PDIA6: variants seen among roughly 807,000 people sequenced by gnomAD.
The protein encoded by PDIA6 is protein disulfide isomerase family A member 6.
In PDIA6, 29 loss-of-function variants were observed where a neutral mutation model predicts 58.4. The observed-to-expected ratio is 0.50, with a 90% CI of 0.37 to 0.68. The LOEUF (loss-of-function observed/expected upper bound fraction) is 0.68. Ranked by LOEUF, PDIA6 falls within the 30% of genes least tolerant of loss-of-function variation. The pLI is 0.00. For missense variants in PDIA6, 480 were observed against 551.0 expected (o/e 0.87, Z 1.29); for synonymous variants, 192 against 202.6 (o/e 0.95, Z 0.44).
chr2:10,783,531 G>GT lies in PDIA6; in HGVS notation c.*726dup, dbSNP rs1665527302. 5.9e-6 allele frequency: 2 copies of GT among 336,328 alleles called. No homozygotes were observed. Among genetic ancestry groups the GT allele is most frequent in the Admixed American group, 4.6e-5 (1 of 21,684 alleles). The allele number at this position is 336,328 out of a possible 1,614,324, so 20.8% of individuals were successfully genotyped here. ...CTGTTCGCATTGGTAACCTGCTGCT[G>GT]TATTTCATGTCTTAACGGCTATTTT... On this transcript the variant is annotated 3_prime_UTR_variant, in exon 13 of 13. Coordinates refer to ENST00000272227, the MANE Select transcript of PDIA6 (RefSeq NM_005742.4).
At chr2:10,817,714 C>A (rs1383418734), upstream of PDIA6, among the ~76,000 whole-genome samples, 1 of 152,202 alleles carries the variant, frequency 6.6e-6, no homozygotes, top group African/African-American at 2.4e-5. Context: ...ATGCAGACCC[C>A]CACAGGGACC....
Position 10,806,761 on chromosome 2 carries a change from T to G in PDIA6, c.20-4121A>C, listed in dbSNP as rs140420915. ...AAATGTCCTGTACAGGTGTACTATT[T>G]TAATCTTTTATATCATATTTTTACT... On this transcript the variant is annotated intron_variant, in intron 1 of 12. Coordinates refer to ENST00000272227, the MANE Select transcript of PDIA6 (RefSeq NM_005742.4). Among the ~76,000 whole-genome samples, 6 of 152,152 alleles carry G rather than the reference T, an allele frequency of 3.9e-5. No individual in the cohort carries two copies. The East Asian group carries it at 1.2e-3, about 29-fold the overall frequency.
At chr2:10,816,077 C>CTTTTTTTTTTTTTTTTTTTT (rs57404091), upstream of PDIA6, among the ~76,000 whole-genome samples, 1 of 96,470 alleles carries the variant, frequency 1.0e-5, no homozygotes, top group African/African-American at 4.5e-5. Flanking sequence ...AATCATTTGT[C>CTTTTTTTTTTTTTTTTTTTT]TTTTTTTTTT....
intron 3 of PDIA6, among the ~76,000 whole-genome samples, chr2:10,797,494 A>C (rs1043129735): frequency 6.6e-6 from 1 of 152,252 alleles, no homozygotes. Flanking sequence ...CAATGTAAAC[A>C]TTTAAATGTG....
exon 1 of PDIA6, chr2:10,837,670 G>A: frequency 1.3e-6 from 2 of 1,496,224 alleles, no homozygotes; most frequent in South Asian, 1.2e-5. Context: ...CTTCTAGGTG[G>A]CAGAGCTGGG....
rs777217040 is a variant in PDIA6 at position 10,812,704 on chromosome 2, G to T, written c.-8C>A. Reference sequence around the variant, plus strand: ...GAGCACCAGGAGAGCCATGCCGAGCGCCGGGCTACGTGCAGTCCCCACCGC... The same window carrying T: ...GAGCACCAGGAGAGCCATGCCGAGCTCCGGGCTACGTGCAGTCCCCACCGC... On this transcript the variant is annotated 5_prime_UTR_variant, in exon 1 of 13. Coordinates refer to ENST00000272227, the MANE Select transcript of PDIA6 (RefSeq NM_005742.4). 6.6e-7 allele frequency: 1 copy of T among 1,525,978 alleles called. No individual in the cohort carries two copies. Among genetic ancestry groups the T allele is most frequent in the South Asian group, 1.2e-5 (1 of 83,986 alleles). The allele number at this position is 1,525,978 out of a possible 1,614,324, so 94.5% of individuals were successfully genotyped here.
intron 11 of PDIA6, among the ~76,000 whole-genome samples, chr2:10,785,647 AT>A (rs1665692072): frequency 6.6e-6 from 1 of 152,240 alleles, no homozygotes; most frequent in Admixed American, 6.5e-5. Context: ...AGAAAAAAAA[AT>A]TACAGGAGAT....
intron 1 of PDIA6, among the ~76,000 whole-genome samples, chr2:10,830,895 C>T (rs1044458470): frequency 1.3e-5 from 2 of 152,160 alleles, no homozygotes; most frequent in African/African-American, 2.4e-5. Context: ...TCTCCTTGGG[C>T]GCTTGGCCAC....
intron 1 of PDIA6, among the ~76,000 whole-genome samples, chr2:10,811,662 G>A (rs1156903844): frequency 6.6e-6 from 1 of 152,228 alleles, no homozygotes; most frequent in Non-Finnish European, 1.5e-5. Flanking sequence ...AAGGTGGTCT[G>A]AGGCCAGAGC....
intron 1 of PDIA6, among the ~76,000 whole-genome samples, chr2:10,819,823 C>T (rs1268142623): frequency 6.6e-6 from 1 of 152,234 alleles, no homozygotes; most frequent in Non-Finnish European, 1.5e-5. Flanking sequence ...TCTCCAACAC[C>T]CTATGGTAAT....
intron 1 of PDIA6, chr2:10,810,305 T>C: frequency 6.5e-7 from 1 of 1,534,794 alleles, no homozygotes; most frequent in Non-Finnish European, 8.7e-7. Context: ...TGCAGGGGTA[T>C]AATCCACAGA....
chr2:10,790,659 G>T (rs549516481), intron 7 of PDIA6, 60 bp downstream of exon 7: 2 of 1,231,000 alleles, frequency 1.6e-6, no homozygotes, highest in East Asian at 2.3e-5. Context: ...CTGGAGTATT[G>T]GAAGAAGTAA....
At chr2:10,806,127 G>A (rs965681102) in intron 1 of PDIA6, among the ~76,000 whole-genome samples, 4 of 151,578 alleles carry the variant, frequency 2.6e-5, no homozygotes, top group African/African-American at 7.3e-5. Context: ...CAGCACTTTG[G>A]GAGGCCAAGG....
intron 10 of PDIA6, among the ~76,000 whole-genome samples, chr2:10,788,483 CT>C (rs1255866665): frequency 6.6e-6 from 1 of 151,766 alleles, no homozygotes; most frequent in Non-Finnish European, 1.5e-5. Flanking sequence ...TGGTGAAACC[CT>C]GACCCTACTA....
At chr2:10,787,743 G>A (rs1000848252) in intron 10 of PDIA6, among the ~76,000 whole-genome samples, 4 of 152,130 alleles carry the variant, frequency 2.6e-5, no homozygotes, top group East Asian at 1.9e-4. Flanking sequence ...GGAAAGCAAT[G>A]GATACTGAGG....
chr2:10,795,694 C>T (rs1371998192), intron 4 of PDIA6, among the ~76,000 whole-genome samples: 1 of 152,192 alleles, frequency 6.6e-6, no homozygotes, highest in African/African-American at 2.4e-5. Context: ...GAGAGGCTAG[C>T]AGCCAGGCAG....
At chr2:10,821,811 A>G (rs1667403097) in intron 1 of PDIA6, among the ~76,000 whole-genome samples, 1 of 151,932 alleles carries the variant, frequency 6.6e-6, no homozygotes, top group Non-Finnish European at 1.5e-5. Context: ...TTTTGTAGAG[A>G]CAGGACCTCA....
chr2:10,793,632 G>A (rs1460757161), intron 4 of PDIA6, among the ~76,000 whole-genome samples: 1 of 152,126 alleles, frequency 6.6e-6, no homozygotes, highest in Admixed American at 6.6e-5. Context: ...TCAAAGTGCT[G>A]GGATCACAAG....
chr2:10,811,898 G>A (rs1415822268), intron 1 of PDIA6, among the ~76,000 whole-genome samples: 3 of 152,200 alleles, frequency 2.0e-5, no homozygotes, highest in African/African-American at 7.2e-5. Flanking sequence ...CTTATTTCAG[G>A]ACTGAGATTT....
Sources: gnomAD v4.1 joint callset for allele counts (sites outside exome capture counted in the v4.1 genomes callset) on GRCh38, gnomAD v4.1.1 for gene constraint, MANE v1.5 for transcripts, NCBI Gene and HGNC (gene_info 2026-07-23, HGNC 2026-07-21) for gene names.